LYPD6B: variants seen among roughly 807,000 people sequenced by gnomAD.
LYPD6B encodes the protein LY6/PLAUR domain containing 6B.
In LYPD6B, 17 loss-of-function variants were observed where a neutral mutation model predicts 22.8. The ratio of observed to expected loss-of-function variants is 0.75; its 90% CI spans 0.51 to 1.12. The LOEUF (loss-of-function observed/expected upper bound fraction) is 1.12. LYPD6B is among the 50% of genes most tolerant of loss of function. The pLI, the probability that LYPD6B is intolerant of heterozygous loss-of-function variation, is 0.00. For synonymous variants in LYPD6B, 106 were observed against 91.6 expected (o/e 1.16, Z -0.90); for missense variants, 221 against 258.3 (o/e 0.86, Z 0.99).
At chr2:149,062,718 G>T (rs548467149) in intron 1 of LYPD6B, among the ~76,000 whole-genome samples, 15 of 152,250 alleles carry the variant, frequency 9.9e-5, no homozygotes, top group Non-Finnish European at 2.1e-4. Context: ...AATAGGGCCA[G>T]ATAATGACAA....
At chr2:149,083,758 T>G (rs974473662) in intron 1 of LYPD6B, among the ~76,000 whole-genome samples, 6 of 152,174 alleles carry the variant, frequency 3.9e-5, no homozygotes, top group African/African-American at 1.4e-4. Flanking sequence ...GTTGAGCTGA[T>G]GACTAGTGGA....
At chr2:149,093,515 C>T (rs966397859) in intron 1 of LYPD6B, among the ~76,000 whole-genome samples, 3 of 152,152 alleles carry the variant, frequency 2.0e-5, no homozygotes, top group Non-Finnish European at 4.4e-5. Flanking sequence ...ATGATTTTTA[C>T]GTTTCTCTAA....
intron 3 of LYPD6B, among the ~76,000 whole-genome samples, chr2:149,179,957 CTTTTA>C (rs1691590041): frequency 6.6e-6 from 1 of 152,110 alleles, no homozygotes; most frequent in African/African-American, 2.4e-5. Context: ...AATTTTATCA[CTTTTA>C]TTTATTTTAT....
chr2:149,187,407 T>A, intron 3 of LYPD6B: 1 of 1,514,930 alleles, frequency 6.6e-7, no homozygotes. Context: ...ACAATTGTTA[T>A]AAGATTATTA....
chr2:149,111,268 T>C (rs149284785), intron 1 of LYPD6B, among the ~76,000 whole-genome samples: 3 of 152,318 alleles, frequency 2.0e-5, no homozygotes, highest in African/African-American at 7.2e-5. Context: ...TGGCATGACC[T>C]GACTTACCTT....
intron 3 of LYPD6B, among the ~76,000 whole-genome samples, chr2:149,176,699 G>C (rs1691331874): frequency 6.6e-6 from 1 of 152,054 alleles, no homozygotes; most frequent in African/African-American, 2.4e-5. Flanking sequence ...TACTTTGGTG[G>C]GGCCTTCAGG....
chr2:149,061,238 A>G (rs1384937451), intron 1 of LYPD6B, among the ~76,000 whole-genome samples: 2 of 149,748 alleles, frequency 1.3e-5, no homozygotes, highest in Non-Finnish European at 3.0e-5. Context: ...GCTCTGTCCC[A>G]CAGGATGGAG....
At chr2:149,210,945 G>T (rs1693810771) in intron 5 of LYPD6B, among the ~76,000 whole-genome samples, 1 of 152,188 alleles carries the variant, frequency 6.6e-6, no homozygotes, top group Non-Finnish European at 1.5e-5. Context: ...ATAAAGAAAA[G>T]AGATTTAATT....
At chr2:149,114,136 A>G (rs573434037) in intron 1 of LYPD6B, among the ~76,000 whole-genome samples, 2 of 152,294 alleles carry the variant, frequency 1.3e-5, no homozygotes, top group East Asian at 3.9e-4. Context: ...TTACTCACAT[A>G]CCAGCCTCTA....
At chr2:149,039,005 G>T (rs934442447) in intron 1 of LYPD6B, among the ~76,000 whole-genome samples, 1 of 151,388 alleles carries the variant, frequency 6.6e-6, no homozygotes, top group Non-Finnish European at 1.5e-5. Flanking sequence ...GGGTCTGGTC[G>T]CTGCCTCGAG....
chr2:149,046,601 C>G (rs1430832098), intron 1 of LYPD6B, among the ~76,000 whole-genome samples: 2 of 152,058 alleles, frequency 1.3e-5, no homozygotes, highest in Non-Finnish European at 2.9e-5. Flanking sequence ...TACCCTCGAC[C>G]TCCTGGTCTT....
intron 1 of LYPD6B, among the ~76,000 whole-genome samples, chr2:149,078,248 GCA>G (rs1684965572): frequency 6.6e-6 from 1 of 152,162 alleles, no homozygotes; most frequent in Admixed American, 6.5e-5. Context: ...CATGACCTCT[GCA>G]CAGAGGCCTG....
intron 1 of LYPD6B, among the ~76,000 whole-genome samples, chr2:149,113,648 A>G (rs918917876): frequency 6.6e-6 from 1 of 152,150 alleles, no homozygotes; most frequent in Non-Finnish European, 1.5e-5. Flanking sequence ...GTCTCACTAT[A>G]GTCTCTAGTG....
intron 3 of LYPD6B, among the ~76,000 whole-genome samples, chr2:149,190,841 AG>A (rs1207774114): frequency 6.6e-6 from 1 of 152,042 alleles, no homozygotes; most frequent in Non-Finnish European, 1.5e-5. Context: ...ATTTTCTTCA[AG>A]TTATATGTTT....
intron 1 of LYPD6B, among the ~76,000 whole-genome samples, chr2:149,098,704 G>A (rs1213565058): frequency 6.8e-6 from 1 of 147,822 alleles, no homozygotes. Flanking sequence ...CTTATCTATT[G>A]CATGAGTACA....
chr2:149,154,655 G>A (rs1296569306), intron 2 of LYPD6B, among the ~76,000 whole-genome samples: 1 of 151,798 alleles, frequency 6.6e-6, no homozygotes, highest in Non-Finnish European at 1.5e-5. Context: ...TGCTGATGTT[G>A]GCAACATTTG....
chr2:149,068,388 A>G (rs952685950), intron 1 of LYPD6B, among the ~76,000 whole-genome samples: 4 of 152,212 alleles, frequency 2.6e-5, no homozygotes, highest in African/African-American at 9.6e-5. Context: ...TTCAGAAACT[A>G]AAGTAGCAAA....
In LYPD6B at chr2:149,212,993, T is replaced by C. The variant is rs1234422720; in HGVS notation, c.330T>C (p.Asn110=). ...TGTTTTTTGTTTCCTCTTGCCTAGATACACAGTACTGTTTGACAGTTCATC... is the reference window on the plus strand; with the variant it reads ...TGTTTTTTGTTTCCTCTTGCCTAGACACACAGTACTGTTTGACAGTTCATC... The part of the protein sequence containing the change: ...RWAEDKWCPQ[N]TQYCLTVHHF... The change falls in exon 6 of 7, where the codon AAT becomes AAC. Residue 110 remains asparagine (N), a splice_region_variant and synonymous_variant. Transcript: ENST00000409642. The C allele has an allele frequency of 1.2e-6, 2 of 1,612,958 alleles. No homozygotes were observed. The highest frequency in any genetic ancestry group is 1.7e-6 in the Non-Finnish European group (2 of 1,179,568).
At position 149,210,731 on chromosome 2, in the gene LYPD6B, C is replaced by T. The variant is rs77487678; in HGVS notation, c.329-2261C>T. Among the ~76,000 whole-genome samples, 809 of 152,284 alleles carry T rather than the reference C, an allele frequency of 5.3e-3. 8 individuals are homozygous for T. Among genetic ancestry groups the T allele is most frequent in the African/African-American group, 0.019 (785 of 41,548 alleles). On this transcript the variant is annotated intron_variant, in intron 5 of 6. Transcript: ENST00000409642. ...TTTAGGGCTGCCTTAGCATGTGTCCCGTTCTGTATGAACACATGCAGCCAC... is the reference window on the plus strand; with the variant it reads ...TTTAGGGCTGCCTTAGCATGTGTCCTGTTCTGTATGAACACATGCAGCCAC...
Sources: allele counts gnomAD v4.1 joint callset (sites outside exome capture counted in the v4.1 genomes callset), GRCh38; gene constraint gnomAD v4.1.1; transcripts MANE v1.5; gene names NCBI Gene and HGNC (gene_info 2026-07-23, HGNC 2026-07-21).